NKAIN2: variants seen among roughly 807,000 people sequenced by gnomAD.
NKAIN2 encodes sodium/potassium transporting ATPase interacting 2, also known as sodium/potassium-transporting ATPase subunit beta-1-interacting protein 2.
NKAIN2 carries 14 observed loss-of-function variants against 32.6 expected under a neutral mutation model. The observed-to-expected ratio is 0.43, with a 90% CI of 0.28 to 0.67. NKAIN2 has a LOEUF of 0.67. Ranked by LOEUF, NKAIN2 falls within the 30% of genes least tolerant of loss-of-function variation. The pLI is 0.17. For missense variants in NKAIN2, 198 were observed against 258.3 expected (o/e 0.77, Z 1.60); for synonymous variants, 80 against 87.2 (o/e 0.92, Z 0.46).
chr6:124,168,938 A>C (rs935883632), intron 1 of NKAIN2, among the ~76,000 whole-genome samples: 1 of 152,132 alleles, frequency 6.6e-6, no homozygotes, highest in Admixed American at 6.6e-5. Flanking sequence ...TTGGAGGCCC[A>C]TGGTTCTTTG....
At chr6:124,630,590 AATTAC>A (rs1307541199) in intron 3 of NKAIN2, among the ~76,000 whole-genome samples, 1 of 152,140 alleles carries the variant, frequency 6.6e-6, no homozygotes, top group Non-Finnish European at 1.5e-5. Context: ...AGAGCAGAGA[AATTAC>A]ATAATTACCT....
intron 3 of NKAIN2, among the ~76,000 whole-genome samples, chr6:124,405,258 A>G (rs1355505922): frequency 6.6e-6 from 1 of 152,180 alleles, no homozygotes; most frequent in East Asian, 1.9e-4. Flanking sequence ...TAAAACCACA[A>G]ATAATCTCAA....
intron 1 of NKAIN2, among the ~76,000 whole-genome samples, chr6:123,963,707 CA>C (rs1777951866): frequency 6.6e-6 from 1 of 152,312 alleles, no homozygotes; most frequent in Admixed American, 6.5e-5. Context: ...AGACTTCCAG[CA>C]TGCCAATTTT....
chr6:124,604,751 CAGTT>C lies in NKAIN2; in HGVS notation c.274-53433_274-53430del. ...AGTGGAGCAATGAAATCCACGCTCC[CAGTT>C]ACTTTATTCTTTGCATGTAATGCTG... On this transcript the variant is annotated intron_variant, in intron 3 of 6. Coordinates refer to ENST00000368417, the MANE Select transcript of NKAIN2 (RefSeq NM_001040214.3). Among the ~76,000 whole-genome samples, 3 of 152,002 alleles carry C rather than the reference CAGTT, an allele frequency of 2.0e-5. No homozygotes were observed. The Middle Eastern group carries it at 0.01, about 517-fold the overall frequency.
intron 1 of NKAIN2, among the ~76,000 whole-genome samples, chr6:124,205,327 G>C (rs937171657): frequency 4.0e-5 from 6 of 149,996 alleles, no homozygotes; most frequent in African/African-American, 1.5e-4. Context: ...AGCAATTCTA[G>C]AATACTCTGG....
intron 3 of NKAIN2, among the ~76,000 whole-genome samples, chr6:124,538,679 C>T (rs930822509): frequency 3.3e-5 from 5 of 151,980 alleles, no homozygotes; most frequent in South Asian, 4.2e-4. Context: ...TCTGAAAAAC[C>T]CCTCAAACTA....
At chr6:123,812,856 A>T (rs1346615473) in intron 1 of NKAIN2, among the ~76,000 whole-genome samples, 3 of 152,260 alleles carry the variant, frequency 2.0e-5, no homozygotes, top group East Asian at 1.9e-4. Flanking sequence ...AATGAGTCTT[A>T]GTTTGAAATG....
At chr6:124,379,132 A>ACT (rs1800121354) in intron 3 of NKAIN2, among the ~76,000 whole-genome samples, 1 of 42,736 alleles carries the variant, frequency 2.3e-5, no homozygotes, top group Non-Finnish European at 4.8e-5. Flanking sequence ...GGAGGGGAGG[A>ACT]GAGGGGAGGG....
chr6:124,033,756 C>T (rs2114792952), intron 1 of NKAIN2, among the ~76,000 whole-genome samples: 1 of 152,242 alleles, frequency 6.6e-6, no homozygotes, highest in Admixed American at 6.6e-5. Flanking sequence ...GAATAATGCA[C>T]TGAATGCATG....
At chr6:124,416,601 T>A (rs1474664492) in intron 3 of NKAIN2, among the ~76,000 whole-genome samples, 2 of 152,134 alleles carry the variant, frequency 1.3e-5, no homozygotes, top group Non-Finnish European at 2.9e-5. Context: ...ATAGTGCCAC[T>A]GCACTCTAGC....
intron 4 of NKAIN2, among the ~76,000 whole-genome samples, chr6:124,662,268 G>A (rs941648772): frequency 1.1e-4 from 16 of 151,064 alleles, no homozygotes; most frequent in Non-Finnish European, 2.1e-4. Flanking sequence ...TGAACAGGGA[G>A]TGTGTTTTAC....
chr6:124,626,960 T>C (rs142567521), intron 3 of NKAIN2, among the ~76,000 whole-genome samples: 1 of 152,316 alleles, frequency 6.6e-6, no homozygotes, highest in East Asian at 1.9e-4. Flanking sequence ...CTAATGATTT[T>C]ATTTTCCTTT....
intron 4 of NKAIN2, among the ~76,000 whole-genome samples, chr6:124,765,548 G>T (rs1338433904): frequency 6.6e-6 from 1 of 152,138 alleles, no homozygotes; most frequent in Non-Finnish European, 1.5e-5. Flanking sequence ...ATCTTCTCCA[G>T]CCTTTATTCC....
intron 4 of NKAIN2, among the ~76,000 whole-genome samples, chr6:124,667,459 T>A (rs1772860994): frequency 6.6e-6 from 1 of 152,144 alleles, no homozygotes; most frequent in Non-Finnish European, 1.5e-5. Flanking sequence ...CAGAAATAAG[T>A]AAAGTATATG....
At chr6:123,891,668 G>A (rs951729863) in intron 1 of NKAIN2, among the ~76,000 whole-genome samples, 4 of 152,048 alleles carry the variant, frequency 2.6e-5, no homozygotes, top group Non-Finnish European at 5.9e-5. Context: ...AAATGTAATC[G>A]CAATTATAAG....
At chr6:124,806,512 C>T (rs189048494) in intron 5 of NKAIN2, among the ~76,000 whole-genome samples, 4 of 152,074 alleles carry the variant, frequency 2.6e-5, no homozygotes, top group East Asian at 3.9e-4. Context: ...AAGGCACAAC[C>T]GGTACCAGCC....
chr6:124,794,932 A>C (rs1779933050), intron 5 of NKAIN2: 1 of 592,856 alleles, frequency 1.7e-6, no homozygotes. Flanking sequence ...ACAAAAAATT[A>C]TCCTGATCCT....
chr6:123,972,926 C>T (rs1230331263), intron 1 of NKAIN2, among the ~76,000 whole-genome samples: 2 of 151,984 alleles, frequency 1.3e-5, no homozygotes, highest in South Asian at 4.2e-4. Context: ...AGTAAAAACA[C>T]CATATCCATA....
At chr6:124,501,716 A>G in intron 3 of NKAIN2, among the ~76,000 whole-genome samples, 1 of 152,066 alleles carries the variant, frequency 6.6e-6, no homozygotes, top group East Asian at 1.9e-4. Flanking sequence ...TAGAGCCCTG[A>G]CCCACCTTCG....
Sources: allele counts gnomAD v4.1 joint callset (sites outside exome capture counted in the v4.1 genomes callset), GRCh38; gene constraint gnomAD v4.1.1; transcripts MANE v1.5; gene names NCBI Gene and HGNC (gene_info 2026-07-23, HGNC 2026-07-21).